Variants in ASAP2 observed in about 807,000 individuals in gnomAD.
ASAP2 encodes the protein arf-GAP with SH3 domain, ANK repeat and PH domain-containing protein 2.
In ASAP2, 45 loss-of-function variants were observed where a neutral mutation model predicts 131.4. That is an observed-to-expected ratio of 0.34 (90% CI 0.27 to 0.44). ASAP2 has a LOEUF of 0.44. ASAP2 is among the 20% of genes least tolerant of loss of function. The probability of loss-of-function intolerance (pLI) is 1.00; values close to 1 mark genes in which losing one functional copy is unlikely to be tolerated. For synonymous variants in ASAP2, 510 were observed against 503.0 expected (o/e 1.01, Z -0.19); for missense variants, 1,011 against 1,297.0 (o/e 0.78, Z 3.39).
At position 9,286,443 on chromosome 2, in the gene ASAP2, A is replaced by T. The variant is rs1465532985; in HGVS notation, c.199+7054A>T. On this transcript the variant is annotated intron_variant, in intron 2 of 27. Coordinates refer to ENST00000281419, the MANE Select transcript of ASAP2 (RefSeq NM_003887.3). ...AGGATTTTTTTTAAAAAAGGAAAAA[A>T]AAAAATATATATATATATACTGTAT... Among the ~76,000 whole-genome samples the T allele has an allele frequency of 1.4e-3, 184 of 130,842 alleles. 1 individual carries two copies. The highest frequency in any genetic ancestry group is 5.0e-3 in the African/African-American group (156 of 31,412). The allele number at this position is 130,842 out of a possible 152,430, so 85.8% of individuals were successfully genotyped here. A position where few individuals can be genotyped will look rare whatever the true frequency, so the allele number is the denominator to read the frequency against.
chr2:9,249,476 G>A (rs952259982), intron 1 of ASAP2, among the ~76,000 whole-genome samples: 1 of 152,190 alleles, frequency 6.6e-6, no homozygotes, highest in African/African-American at 2.4e-5. Flanking sequence ...TAATTTGAGG[G>A]ACTCTCATGA....
In ASAP2 at chr2:9,207,170, G is replaced by C. The variant is rs751767646; in HGVS notation, c.66G>C (p.Thr22=). The change falls in exon 1 of 28, where the codon ACG becomes ACC. Residue 22 remains threonine (T), a synonymous_variant. Transcript: ENST00000281419. This position sits in a 1 kb window ranked among gnomAD's most constrained non-coding sequence, Gnocchi z 4.1. ...AETHEDYKAP[T]ASSFTTRTAQ... is the part of the protein sequence containing the mutation. ...CCCATGAGGACTACAAGGCGCCCACGGCCTCCAGCTTCACCACCCGCACGG... is the reference window on the plus strand; with the variant it reads ...CCCATGAGGACTACAAGGCGCCCACCGCCTCCAGCTTCACCACCCGCACGG... 1 of 1,605,546 alleles carries C rather than the reference G, an allele frequency of 6.2e-7. No individual in the cohort carries two copies. Among genetic ancestry groups the C allele is most frequent in the Non-Finnish European group, 8.5e-7 (1 of 1,176,662 alleles).
At chr2:9,260,552 C>G (rs1212892973) in intron 1 of ASAP2, among the ~76,000 whole-genome samples, 1 of 152,176 alleles carries the variant, frequency 6.6e-6, no homozygotes, top group African/African-American at 2.4e-5. Context: ...GGCACATGAC[C>G]TTGTTTGCAT....
chr2:9,321,414 C>A (rs1289011385), intron 5 of ASAP2, among the ~76,000 whole-genome samples: 2 of 152,136 alleles, frequency 1.3e-5, no homozygotes, highest in African/African-American at 2.4e-5. Flanking sequence ...ACTAGAGAAC[C>A]CTGCAGGTCC....
intron 1 of ASAP2, among the ~76,000 whole-genome samples, chr2:9,278,933 G>T (rs1053816081): frequency 3.3e-5 from 5 of 152,172 alleles, no homozygotes; most frequent in Non-Finnish European, 7.4e-5. Flanking sequence ...GGAGTCCCTG[G>T]CAGGCAGGGG....
At chr2:9,332,374 C>T (rs909922360) in intron 7 of ASAP2, among the ~76,000 whole-genome samples, 1 of 152,136 alleles carries the variant, frequency 6.6e-6, no homozygotes, top group Non-Finnish European at 1.5e-5. Context: ...CCAAGACACA[C>T]CTCAAGGAGG....
Position 9,358,881 on chromosome 2 carries a change from G to C in ASAP2, c.1453G>C (p.Glu485Gln). The change falls in exon 15 of 28, where the codon GAG becomes CAG. Residue 485 changes from glutamate (E) to glutamine (Q), a missense_variant. This residue lies in a region of ASAP2 where 652 missense variants were observed against 698.9 expected (regional missense o/e 0.93). Transcript: ENST00000281419. ...SLTLDVLGTS[E>Q]LLLAKNIGNA... Reference sequence around the variant, plus strand: ...GACCTTAGATGTACTGGGAACATCTGAGCTGCTGGTAATTTTTAAATCCTT... The same window carrying C: ...GACCTTAGATGTACTGGGAACATCTCAGCTGCTGGTAATTTTTAAATCCTT... The C allele has an allele frequency of 6.2e-7, 1 of 1,603,082 alleles. No individual in the cohort carries two copies. Among genetic ancestry groups the C allele is most frequent in the Non-Finnish European group, 8.5e-7 (1 of 1,175,288 alleles).
chr2:9,319,258 G>A (rs187700708), intron 4 of ASAP2, among the ~76,000 whole-genome samples: 8 of 152,364 alleles, frequency 5.3e-5, no homozygotes, highest in East Asian at 1.9e-4. Flanking sequence ...CGGAAGGGAC[G>A]TGATTGTGGC....
At chr2:9,312,948 A>G (rs571370168) in intron 3 of ASAP2, among the ~76,000 whole-genome samples, 58 of 152,146 alleles carry the variant, frequency 3.8e-4, no homozygotes, top group Non-Finnish European at 6.5e-4. Flanking sequence ...AATCCCAGCT[A>G]CCTGGGAGGC....
chr2:9,387,079 G>T (rs1034311902), intron 21 of ASAP2, among the ~76,000 whole-genome samples: 16 of 145,312 alleles, frequency 1.1e-4, no homozygotes, highest in Admixed American at 2.7e-4. Flanking sequence ...GGTGGTGGGT[G>T]GGGGGGCGCC....
chr2:9,219,295 G>GATTT (rs1464328554), intron 1 of ASAP2, among the ~76,000 whole-genome samples: 14 of 152,330 alleles, frequency 9.2e-5, no homozygotes, highest in African/African-American at 3.1e-4. Flanking sequence ...CATTTGCCCT[G>GATTT]TGATTCGGTT....
chr2:9,370,837 G>A (rs886341680), intron 16 of ASAP2, among the ~76,000 whole-genome samples: 4 of 152,156 alleles, frequency 2.6e-5, no homozygotes, highest in Non-Finnish European at 2.9e-5. Flanking sequence ...CTTCCTGGGC[G>A]AGCCTGAGGG....
rs1333498291 is a variant in ASAP2, at chr2:9,217,805, G to A, written c.126+10575G>A. ...AATTTTTGGTATTTTTAGTAGAGAC[G>A]GGGTTTCACTGTGTTAGCCAGGATG... On this transcript the variant is annotated intron_variant, in intron 1 of 27. Coordinates refer to ENST00000281419, the MANE Select transcript of ASAP2 (RefSeq NM_003887.3). This position sits in a 1 kb window ranked among gnomAD's most constrained non-coding sequence, Gnocchi z 4.0. Among the ~76,000 whole-genome samples, 1 of 151,860 alleles carries A rather than the reference G, an allele frequency of 6.6e-6. No homozygotes were observed. The highest frequency in any genetic ancestry group is 1.9e-4 in the East Asian group (1 of 5,166).
intron 15 of ASAP2, among the ~76,000 whole-genome samples, chr2:9,367,027 A>ATTTTTTTTTTTTTTTTTTTTTTT (rs1171661319): frequency 7.5e-6 from 1 of 132,946 alleles, no homozygotes; most frequent in African/African-American, 3.1e-5. Flanking sequence ...TGCCTGCATA[A>ATTTTTTTTTTTTTTTTTTTTTTT]TTTTTTTTTT....
intron 3 of ASAP2, among the ~76,000 whole-genome samples, chr2:9,297,936 C>A (rs1010717821): frequency 1.3e-5 from 2 of 152,190 alleles, no homozygotes; most frequent in African/African-American, 4.8e-5. Flanking sequence ...GAGAGCAATG[C>A]CTCGGTTTTC....
At chr2:9,260,771 A>G (rs1488668054) in intron 1 of ASAP2, among the ~76,000 whole-genome samples, 3 of 152,282 alleles carry the variant, frequency 2.0e-5, no homozygotes, top group African/African-American at 4.8e-5. Flanking sequence ...AGATGGAGAA[A>G]TGAAAGACTA....
chr2:9,329,169 A>G (rs144572148), intron 7 of ASAP2, among the ~76,000 whole-genome samples: 2 of 152,316 alleles, frequency 1.3e-5, no homozygotes, highest in East Asian at 3.9e-4. Context: ...TTAAGGCAGG[A>G]AAAAGGCCAA....
chr2:9,368,366 G>T, intron 15 of ASAP2, 59 bp from the exon 16 acceptor site: 1 of 1,423,392 alleles, frequency 7.0e-7, no homozygotes. Flanking sequence ...GATGGGTAAT[G>T]TGTAGCAGTA....
rs191293759 is a variant in ASAP2 at position 9,370,748 on chromosome 2, G to A, written c.1556+2229G>A. ...GTGACAGAAGTCACATCTGTACCCTGCATTGATTCCATACACCCTGAAAAT... is the reference window on the plus strand; with the variant it reads ...GTGACAGAAGTCACATCTGTACCCTACATTGATTCCATACACCCTGAAAAT... On this transcript the variant is annotated intron_variant, in intron 16 of 27. Transcript: ENST00000281419. 6.1e-3 allele frequency among the ~76,000 whole-genome samples: 923 copies of A among 152,270 alleles called. 7 individuals carry two copies. Among genetic ancestry groups the A allele is most frequent in the Non-Finnish European group, 7.2e-3 (487 of 68,026 alleles).
Sources: allele counts gnomAD v4.1 joint callset (sites outside exome capture counted in the v4.1 genomes callset), GRCh38; gene constraint gnomAD v4.1.1; regional missense constraint gnomAD v4.1.1; non-coding constraint Gnocchi (gnomAD v3.1); transcripts MANE v1.5; gene names NCBI Gene and HGNC (gene_info 2026-07-23, HGNC 2026-07-21).